SLMAP: variants seen among roughly 807,000 people sequenced by gnomAD.
SLMAP encodes sarcolemmal membrane-associated protein.
Under a neutral mutation model 128.8 loss-of-function variants are expected in SLMAP, and 44 were observed. That is an observed-to-expected ratio of 0.34 (90% CI 0.27 to 0.44). SLMAP has a LOEUF of 0.44. SLMAP is among the 20% of genes least tolerant of loss of function. The probability of loss-of-function intolerance (pLI) is 1.00; values close to 1 mark genes in which losing one functional copy is unlikely to be tolerated. For missense variants in SLMAP, 787 were observed against 985.3 expected (o/e 0.80, Z 2.69); for synonymous variants, 327 against 348.8 (o/e 0.94, Z 0.70).
chr3:57,864,371 A>G (rs1026388708), intron 10 of SLMAP, among the ~76,000 whole-genome samples, 177 bp from the exon 11 acceptor site: 1 of 151,930 alleles, frequency 6.6e-6, no homozygotes, highest in Admixed American at 6.6e-5. Flanking sequence ...GTGAAACTCC[A>G]TCTCAAAAAA....
intron 14 of SLMAP, among the ~76,000 whole-genome samples, chr3:57,880,169 T>TTTTTG (rs74656522): frequency 0.2 from 29,641 of 147,958 alleles, 3,351 homozygotes; most frequent in Non-Finnish European, 0.26. Flanking sequence ...TTGTATGTCA[T>TTTTTG]TTTTGTTTTG....
intron 2 of SLMAP, among the ~76,000 whole-genome samples, chr3:57,786,764 CG>C (rs2084260091): frequency 6.3e-5 from 9 of 142,320 alleles, no homozygotes; most frequent in South Asian, 2.2e-4. Flanking sequence ...GTTGGAGTCT[CG>C]CTCTGTCGCC....
At chr3:57,760,196 T>C (rs942359249) in intron 2 of SLMAP, among the ~76,000 whole-genome samples, 2 of 152,186 alleles carry the variant, frequency 1.3e-5, no homozygotes, top group African/African-American at 4.8e-5. Flanking sequence ...CTCCTCGGCC[T>C]CCCAAAGTGC....
At chr3:57,780,118 C>T (rs2082718345) in intron 2 of SLMAP, among the ~76,000 whole-genome samples, 1 of 151,668 alleles carries the variant, frequency 6.6e-6, no homozygotes, top group Non-Finnish European at 1.5e-5. Flanking sequence ...TATTAATGTT[C>T]CCTTTTTTTT....
intron 6 of SLMAP, among the ~76,000 whole-genome samples, chr3:57,850,665 A>T (rs2094467613): frequency 6.6e-6 from 1 of 151,838 alleles, no homozygotes; most frequent in South Asian, 2.1e-4. Flanking sequence ...ATGGAGTCTC[A>T]CTCTGTAGCC....
At chr3:57,843,993 C>T (rs1199235659) in intron 4 of SLMAP, among the ~76,000 whole-genome samples, 1 of 151,568 alleles carries the variant, frequency 6.6e-6, no homozygotes. Context: ...ATTGGCCGGG[C>T]TACCTCAAAC....
chr3:57,780,570 G>A (rs982439694), intron 2 of SLMAP, among the ~76,000 whole-genome samples: 1 of 151,986 alleles, frequency 6.6e-6, no homozygotes, highest in Non-Finnish European at 1.5e-5. Context: ...AGTTACAAGG[G>A]TGTGTTCATC....
intron 2 of SLMAP, among the ~76,000 whole-genome samples, chr3:57,780,634 A>G (rs973799727): frequency 5.3e-5 from 8 of 151,404 alleles, no homozygotes; most frequent in African/African-American, 1.9e-4. Context: ...CTTTGTAGGT[A>G]TTTCAACTTA....
At chr3:57,881,945 A>G (rs934656795) in intron 14 of SLMAP, among the ~76,000 whole-genome samples, 4 of 152,146 alleles carry the variant, frequency 2.6e-5, no homozygotes, top group African/African-American at 9.7e-5. Context: ...TGCAGTTCAC[A>G]GTGATCATGC....
At chr3:57,891,668 C>T (rs1295567340) in intron 15 of SLMAP, among the ~76,000 whole-genome samples, 1 of 151,822 alleles carries the variant, frequency 6.6e-6, no homozygotes, top group Non-Finnish European at 1.5e-5. Context: ...CCTCCACCTT[C>T]TGGGTTCAAG....
chr3:57,788,569 C>T (rs1353522492), intron 2 of SLMAP, among the ~76,000 whole-genome samples: 4 of 152,014 alleles, frequency 2.6e-5, no homozygotes, highest in Non-Finnish European at 4.4e-5. Flanking sequence ...GGGAAGAACC[C>T]TGGGGATGAC....
rs137893654 is a variant in SLMAP at position 57,771,608 on chromosome 3, C to T, written c.198+13759C>T. On this transcript the variant is annotated intron_variant, in intron 2 of 24. Transcript: ENST00000671191. ...ACGGTGCAGTCACAGCTAATTGTAA[C>T]CTTGAACTTTGGGCTCAAATGATCC... 4.2e-3 allele frequency among the ~76,000 whole-genome samples: 646 copies of T among 152,190 alleles called. 6 individuals carry two copies. The highest frequency in any genetic ancestry group is 0.015 in the African/African-American group (627 of 41,518).
chr3:57,763,328 G>A (rs536849032), intron 2 of SLMAP, among the ~76,000 whole-genome samples: 27 of 150,696 alleles, frequency 1.8e-4, no homozygotes, highest in Non-Finnish European at 3.4e-4. Flanking sequence ...AGGCTGGAGT[G>A]CAATGGTGTG....
chr3:57,868,456 T>G (rs898308595), intron 13 of SLMAP, among the ~76,000 whole-genome samples: 4 of 151,418 alleles, frequency 2.6e-5, no homozygotes, highest in Non-Finnish European at 4.4e-5. Flanking sequence ...TGAGGTGTGG[T>G]GGCATGTGCC....
intron 15 of SLMAP, among the ~76,000 whole-genome samples, chr3:57,894,272 A>G (rs1320513852): frequency 6.6e-6 from 1 of 152,192 alleles, no homozygotes; most frequent in African/African-American, 2.4e-5. Flanking sequence ...AATATATGCA[A>G]TTAAAAATTC....
intron 2 of SLMAP, among the ~76,000 whole-genome samples, chr3:57,764,312 G>A (rs112245787): frequency 6.6e-6 from 1 of 152,036 alleles, no homozygotes; most frequent in African/African-American, 2.4e-5. Context: ...GACCAGCCTG[G>A]CCAACATGGT....
intron 2 of SLMAP, among the ~76,000 whole-genome samples, chr3:57,818,493 T>A (rs1222182589): frequency 6.6e-6 from 1 of 152,208 alleles, no homozygotes; most frequent in African/African-American, 2.4e-5. Flanking sequence ...GGGGATAATA[T>A]AACATCTGCC....
intron 13 of SLMAP, among the ~76,000 whole-genome samples, chr3:57,869,662 T>TATATATATATATATATA (rs1560338689): frequency 1.8e-5 from 2 of 113,368 alleles, no homozygotes; most frequent in East Asian, 3.0e-4. Context: ...ATATATATAA[T>TATATATATATATATATA]ATATATAAAC....
intron 22 of SLMAP, among the ~76,000 whole-genome samples, chr3:57,921,503 G>A (rs1312016635): frequency 1.3e-5 from 2 of 151,974 alleles, no homozygotes; most frequent in Non-Finnish European, 2.9e-5. Context: ...GCAGGTGCCC[G>A]TAATCGCAGC....
Sources: allele counts gnomAD v4.1 joint callset (sites outside exome capture counted in the v4.1 genomes callset), GRCh38; gene constraint gnomAD v4.1.1; transcripts MANE v1.5; gene names NCBI Gene and HGNC (gene_info 2026-07-23, HGNC 2026-07-21).